TAFA1: variants seen among roughly 807,000 people sequenced by gnomAD.
TAFA1 encodes chemokine-like protein TAFA-1.
TAFA1 carries 4 observed loss-of-function variants against 18.5 expected under a neutral mutation model. The ratio of observed to expected loss-of-function variants is 0.22; its 90% CI spans 0.11 to 0.49. TAFA1 has a LOEUF of 0.49. TAFA1 is among the 20% of genes least tolerant of loss of function. The pLI, the probability that TAFA1 is intolerant of heterozygous loss-of-function variation, is 0.98. For missense variants in TAFA1, 147 were observed against 169.0 expected (o/e 0.87, Z 0.72); for synonymous variants, 56 against 55.2 (o/e 1.01, Z -0.06).
chr3:68,157,860 T>G (rs1358214987), intron 2 of TAFA1, among the ~76,000 whole-genome samples: 1 of 152,178 alleles, frequency 6.6e-6, no homozygotes, highest in Non-Finnish European at 1.5e-5. Flanking sequence ...CTACTTGGTT[T>G]GAAGGATTTG....
At chr3:68,324,706 T>TC (rs1370179936) in intron 2 of TAFA1, among the ~76,000 whole-genome samples, 1 of 152,006 alleles carries the variant, frequency 6.6e-6, no homozygotes, top group Non-Finnish European at 1.5e-5. Flanking sequence ...TCATGTGTCC[T>TC]CCCCCCATTA....
intron 2 of TAFA1, among the ~76,000 whole-genome samples, chr3:68,177,074 T>C (rs1408688470): frequency 1.3e-5 from 2 of 152,202 alleles, no homozygotes; most frequent in South Asian, 2.1e-4. Context: ...GAAACTCAGA[T>C]GGTGTCAACT....
intron 2 of TAFA1, among the ~76,000 whole-genome samples, chr3:68,307,760 T>C (rs1337426652): frequency 1.1e-4 from 17 of 152,278 alleles, no homozygotes. Flanking sequence ...AGTTTAAGTA[T>C]TCATGAGAAG....
At chr3:68,105,945 TA>T (rs2065198363) in intron 2 of TAFA1, among the ~76,000 whole-genome samples, 1 of 152,128 alleles carries the variant, frequency 6.6e-6, no homozygotes, top group Admixed American at 6.6e-5. Context: ...CAGCCTACTG[TA>T]GGTAATGCAA....
At chr3:68,215,219 T>C (rs1353754226) in intron 2 of TAFA1, among the ~76,000 whole-genome samples, 1 of 152,050 alleles carries the variant, frequency 6.6e-6, no homozygotes, top group Non-Finnish European at 1.5e-5. Flanking sequence ...GCACTTTCCA[T>C]GCATTATTCT....
At chr3:68,486,552 T>G (rs1398715026) in intron 3 of TAFA1, among the ~76,000 whole-genome samples, 3 of 152,214 alleles carry the variant, frequency 2.0e-5, no homozygotes, top group Non-Finnish European at 2.9e-5. Context: ...GAACGCTCTT[T>G]GATCTAAGAC....
intron 3 of TAFA1, among the ~76,000 whole-genome samples, chr3:68,464,487 T>C (rs2071846798): frequency 1.3e-5 from 2 of 152,052 alleles, no homozygotes; most frequent in African/African-American, 4.8e-5. Context: ...GTTCAGAATC[T>C]CCAAGGTGAA....
chr3:68,073,088 A>T (rs1432721745), intron 2 of TAFA1, among the ~76,000 whole-genome samples: 2 of 152,176 alleles, frequency 1.3e-5, no homozygotes, highest in African/African-American at 4.8e-5. Context: ...TTCCAAAGAA[A>T]ATTTCAAGAC....
At chr3:68,370,637 C>G (rs1006202887) in intron 2 of TAFA1, among the ~76,000 whole-genome samples, 39 of 147,956 alleles carry the variant, frequency 2.6e-4, no homozygotes, top group African/African-American at 9.4e-4. Context: ...GATGGAGTTC[C>G]TTTTCTAAGT....
intron 2 of TAFA1, among the ~76,000 whole-genome samples, chr3:68,382,750 A>G (rs1370214353): frequency 1.3e-5 from 2 of 152,266 alleles, no homozygotes; most frequent in South Asian, 2.1e-4. Flanking sequence ...GAAGAATGTC[A>G]TTGGTAGTTT....
intron 2 of TAFA1, among the ~76,000 whole-genome samples, chr3:68,258,428 A>T (rs1358011605): frequency 6.6e-6 from 1 of 152,168 alleles, no homozygotes; most frequent in Non-Finnish European, 1.5e-5. Flanking sequence ...CCGTATTGAG[A>T]ATTACTAACT....
intron 3 of TAFA1, among the ~76,000 whole-genome samples, chr3:68,537,795 A>G (rs1003027089): frequency 1.3e-5 from 2 of 152,218 alleles, no homozygotes; most frequent in Non-Finnish European, 1.5e-5. Flanking sequence ...TGCATTTGGC[A>G]TAAAAACAAA....
rs144971779 is a variant in TAFA1, at chr3:68,223,278, C to G, written c.119-194002C>G. ...TCCACTTATACTTGAAAGGAAATCT[C>G]TGCCAATAAGCAAGCTGGAGTTGTC... On this transcript the variant is annotated intron_variant, in intron 2 of 4. Coordinates refer to ENST00000478136, the MANE Select transcript of TAFA1 (RefSeq NM_213609.4). 9.7e-3 allele frequency among the ~76,000 whole-genome samples: 1,478 copies of G among 152,316 alleles called. 26 individuals are homozygous for G. The highest frequency in any genetic ancestry group is 0.033 in the African/African-American group (1,352 of 41,570).
chr3:68,266,799 C>T lies in TAFA1; in HGVS notation c.119-150481C>T, dbSNP rs556696521. Among the ~76,000 whole-genome samples the T allele has an allele frequency of 2.6e-5, 4 of 152,202 alleles. No individual in the cohort carries two copies. In the South Asian group the frequency reaches 8.3e-4, roughly 32 times the overall value. On this transcript the variant is annotated intron_variant, in intron 2 of 4. Transcript: ENST00000478136. ...AGCAGTTAACCTGTCTTCTGTGTTC[C>T]ACCTCTCTAGAGGATGCTGCCCAAC...
intron 2 of TAFA1, among the ~76,000 whole-genome samples, chr3:68,200,614 C>G (rs1445091505): frequency 6.6e-6 from 1 of 151,540 alleles, no homozygotes; most frequent in East Asian, 2.0e-4. Flanking sequence ...AATTTGTGAG[C>G]ATTGAGTTGT....
At chr3:68,070,865 TC>T (rs2064745812) in intron 2 of TAFA1, among the ~76,000 whole-genome samples, 1 of 152,226 alleles carries the variant, frequency 6.6e-6, no homozygotes, top group Admixed American at 6.5e-5. Flanking sequence ...CCCCACAAGT[TC>T]TTCATTTCCA....
intron 3 of TAFA1, among the ~76,000 whole-genome samples, chr3:68,533,358 A>C (rs1441263024): frequency 6.6e-6 from 1 of 152,152 alleles, no homozygotes; most frequent in African/African-American, 2.4e-5. Flanking sequence ...AGATCTCATG[A>C]GACTTACTTC....
At chr3:68,120,169 TTCTCTTTCTTTC>T (rs1559527472) in intron 2 of TAFA1, among the ~76,000 whole-genome samples, 52 of 138,256 alleles carry the variant, frequency 3.8e-4, no homozygotes, top group Non-Finnish European at 2.4e-4. Context: ...TTCTCTTTCT[TTCTCTTTCTTTC>T]TTTCTTTCTT....
At chr3:68,520,844 C>T (rs893776597) in intron 3 of TAFA1, among the ~76,000 whole-genome samples, 3 of 152,120 alleles carry the variant, frequency 2.0e-5, no homozygotes, top group African/African-American at 7.2e-5. Flanking sequence ...TGTTAATATT[C>T]GGTACTAAAT....
Sources: allele counts gnomAD v4.1 joint callset (sites outside exome capture counted in the v4.1 genomes callset), GRCh38; gene constraint gnomAD v4.1.1; transcripts MANE v1.5; gene names NCBI Gene and HGNC (gene_info 2026-07-23, HGNC 2026-07-21).